The following CHST11 variants were observed in gnomAD, a reference collection of about 807,000 sequenced individuals.
CHST11 encodes the protein carbohydrate sulfotransferase 11.
A neutral mutation model predicts 30.4 loss-of-function variants in CHST11; 9 were observed. That is an observed-to-expected ratio of 0.30 (90% confidence interval 0.18 to 0.52). The LOEUF (loss-of-function observed/expected upper bound fraction) is 0.52. Ranked by LOEUF, CHST11 falls within the 20% of genes least tolerant of loss-of-function variation. The pLI, the probability that CHST11 is intolerant of heterozygous loss-of-function variation, is 0.97. For missense variants in CHST11, 348 were observed against 460.6 expected, an observed-to-expected ratio of 0.76 and a Z score of 2.24; for synonymous variants, 152 against 187.8, an observed-to-expected ratio of 0.81 and a Z score of 1.56.
intron 2 of CHST11, among the ~76,000 whole-genome samples, chr12:104,709,665 G>A (rs912505702): frequency 3.3e-5 from 5 of 152,090 alleles, no homozygotes; most frequent in Non-Finnish European, 5.9e-5. Context: ...TAAGAAGCCC[G>A]TCGCAGGGCA....
chr12:104,598,140 T>C (rs1202883590), intron 1 of CHST11, among the ~76,000 whole-genome samples: 1 of 152,226 alleles, frequency 6.6e-6, no homozygotes, highest in Non-Finnish European at 1.5e-5. Flanking sequence ...TAATGCCACT[T>C]GTAAGATACA....
rs544842300 is a variant in CHST11 at position 104,742,562 on chromosome 12, G to A, written c.205-14387G>A. On this transcript the variant is annotated intron_variant, in intron 2 of 2. Transcript: ENST00000303694. ...CCTTCCTCACCGTTGTTCCTGTTCC[G>A]GGCCACCATTCATCGGAAAGCAGGC... 4.6e-5 allele frequency among the ~76,000 whole-genome samples: 7 copies of A among 152,260 alleles called. No homozygotes were observed. In the East Asian group the frequency reaches 9.7e-4, roughly 21 times the overall value.
chr12:104,511,323 C>T (rs1000568580), intron 1 of CHST11, among the ~76,000 whole-genome samples: 1 of 152,184 alleles, frequency 6.6e-6, no homozygotes, highest in Non-Finnish European at 1.5e-5. Context: ...TTCCCACTTG[C>T]GAGGCTGGCC....
At chr12:104,602,356 T>C (rs970194524) in intron 2 of CHST11, 2 of 269,806 alleles carry the variant, frequency 7.4e-6, no homozygotes, top group Non-Finnish European at 6.9e-6. Flanking sequence ...ATGGGTACAC[T>C]TGACACCCAT....
At chr12:104,592,137 C>A (rs2038865437) in intron 1 of CHST11, among the ~76,000 whole-genome samples, 1 of 150,998 alleles carries the variant, frequency 6.6e-6, no homozygotes. Context: ...ATCTCCTCTC[C>A]TCCCTTCCCC....
At chr12:104,744,956 C>T (rs907299468) in intron 2 of CHST11, among the ~76,000 whole-genome samples, 7 of 152,062 alleles carry the variant, frequency 4.6e-5, no homozygotes, top group African/African-American at 1.7e-4. Context: ...TCACTGCAAC[C>T]TCCGCCTCCC....
rs541496460 is a variant in CHST11, at chr12:104,629,279, C to T, written c.204+27288C>T. 2.0e-5 allele frequency among the ~76,000 whole-genome samples: 3 copies of T among 152,300 alleles called. No individual in the cohort carries two copies. The East Asian group carries it at 5.8e-4, about 29-fold the overall frequency. Reference sequence around the variant, plus strand: ...AGCCAGGAGTCTGAGTATCTTTTAACTGGGTCCTCTACTTAGGATCTCACC... The same window carrying T: ...AGCCAGGAGTCTGAGTATCTTTTAATTGGGTCCTCTACTTAGGATCTCACC... On this transcript the variant is annotated intron_variant, in intron 2 of 2. Coordinates refer to ENST00000303694, the MANE Select transcript of CHST11 (RefSeq NM_018413.6).
chr12:104,720,565 CT>C (rs1287390274), intron 2 of CHST11, among the ~76,000 whole-genome samples: 1 of 152,246 alleles, frequency 6.6e-6, no homozygotes, highest in African/African-American at 2.4e-5. Context: ...CCTACCACCC[CT>C]GTCCCCTGAA....
intron 2 of CHST11, among the ~76,000 whole-genome samples, chr12:104,745,162 C>G (rs1055828022): frequency 5.6e-4 from 86 of 152,216 alleles, no homozygotes; most frequent in African/African-American, 1.8e-3. Context: ...GCATAAGCCA[C>G]CACGCCCGGC....
chr12:104,461,252 A>C (rs2037405029), intron 1 of CHST11, among the ~76,000 whole-genome samples: 2 of 152,122 alleles, frequency 1.3e-5, no homozygotes, highest in African/African-American at 2.4e-5. Context: ...TGGATTCTGG[A>C]GAAGGTTGGT....
intron 1 of CHST11, among the ~76,000 whole-genome samples, chr12:104,541,646 A>C (rs1026479921): frequency 6.6e-6 from 1 of 152,160 alleles, no homozygotes; most frequent in Admixed American, 6.5e-5. Context: ...ATTTGTCTGA[A>C]TTTTAGAGAC....
intron 1 of CHST11, among the ~76,000 whole-genome samples, chr12:104,459,294 C>G (rs2037385648): frequency 6.6e-6 from 1 of 152,154 alleles, no homozygotes; most frequent in Non-Finnish European, 1.5e-5. Flanking sequence ...CAGGGCCCAC[C>G]GGAGACCGGG....
At chr12:104,577,046 A>T (rs921455545) in intron 1 of CHST11, among the ~76,000 whole-genome samples, 46 of 152,040 alleles carry the variant, frequency 3.0e-4, no homozygotes, top group Non-Finnish European at 4.4e-5. Context: ...AGGGGTGGAA[A>T]TGACTGTGGG....
chr12:104,561,226 C>G (rs780576543), intron 1 of CHST11, among the ~76,000 whole-genome samples: 8 of 152,192 alleles, frequency 5.3e-5, no homozygotes, highest in Non-Finnish European at 7.3e-5. Flanking sequence ...CTAAACAGTC[C>G]TGACATGGCC....
At position 104,463,360 on chromosome 12, in the gene CHST11, A is replaced by G. The variant is rs550290944; in HGVS notation, c.118+5831A>G. 5.3e-5 allele frequency among the ~76,000 whole-genome samples: 8 copies of G among 152,284 alleles called. No individual in the cohort carries two copies. The East Asian group carries it at 1.2e-3, about 22-fold the overall frequency. ...AATAAAAGGGGAGGCAGTTCTTCCT[A>G]TGAACAATCTGATCTGTCAGTTAAA... On this transcript the variant is annotated intron_variant, in intron 1 of 2. Transcript: ENST00000303694.
intron 1 of CHST11, among the ~76,000 whole-genome samples, chr12:104,469,648 T>C (rs1396571237): frequency 6.6e-6 from 1 of 152,132 alleles, no homozygotes; most frequent in Admixed American, 6.5e-5. Context: ...TGTATAGGGG[T>C]CAGTCCTTCC....
At chr12:104,501,268 C>T (rs1425305019) in intron 1 of CHST11, among the ~76,000 whole-genome samples, 1 of 152,148 alleles carries the variant, frequency 6.6e-6, no homozygotes, top group Non-Finnish European at 1.5e-5. Flanking sequence ...ACTGTACAAC[C>T]TGCTGCCTGG....
chr12:104,473,369 G>C (rs964122090), intron 1 of CHST11, among the ~76,000 whole-genome samples: 1 of 152,184 alleles, frequency 6.6e-6, no homozygotes, highest in South Asian at 2.1e-4. Context: ...TGGTGCCCTA[G>C]CTTCACCCTC....
intron 2 of CHST11, among the ~76,000 whole-genome samples, chr12:104,686,327 G>A (rs753919140): frequency 2.6e-5 from 4 of 151,742 alleles, no homozygotes; most frequent in Non-Finnish European, 4.4e-5. Flanking sequence ...CTGATCCAGC[G>A]CTTGGCTGAC....
Sources: gnomAD v4.1 joint callset for allele counts (sites outside exome capture counted in the v4.1 genomes callset) on GRCh38, gnomAD v4.1.1 for gene constraint, MANE v1.5 for transcripts, NCBI Gene and HGNC (gene_info 2026-07-23, HGNC 2026-07-21) for gene names.